The following AGPS variants were observed in gnomAD, a reference collection of about 807,000 sequenced individuals.
AGPS encodes alkyldihydroxyacetonephosphate synthase, peroxisomal.
A neutral mutation model predicts 90.7 loss-of-function variants in AGPS; 26 were observed. That is an observed-to-expected ratio of 0.29 (90% CI 0.21 to 0.40). The LOEUF is 0.40. Among genes scored for constraint, AGPS ranks in the 10% least tolerant of loss-of-function variants. AGPS has a pLI of 1.00. For missense variants in AGPS, 540 were observed against 816.1 expected (o/e 0.66, Z 4.12); for synonymous variants, 294 against 285.3 (o/e 1.03, Z -0.31).
chr2:177,418,101 G>A (rs1178216932), intron 1 of AGPS, among the ~76,000 whole-genome samples: 2 of 152,052 alleles, frequency 1.3e-5, no homozygotes, highest in African/African-American at 2.4e-5. Context: ...GACTCCAAAA[G>A]TTGATATAAA....
intron 8 of AGPS, among the ~76,000 whole-genome samples, chr2:177,459,353 G>A (rs1377823575): frequency 1.3e-5 from 2 of 152,170 alleles, no homozygotes; most frequent in African/African-American, 4.8e-5. Context: ...CTTCTGCACA[G>A]CAAAAGAAAC....
chr2:177,439,828 TC>T (rs1457872812), intron 5 of AGPS, among the ~76,000 whole-genome samples: 2 of 152,116 alleles, frequency 1.3e-5, no homozygotes, highest in Non-Finnish European at 2.9e-5. Flanking sequence ...TCTAAAACAA[TC>T]TCTTTGCCAT....
intron 10 of AGPS, among the ~76,000 whole-genome samples, chr2:177,469,246 A>G (rs1175652653): frequency 1.3e-5 from 2 of 152,156 alleles, no homozygotes; most frequent in Non-Finnish European, 2.9e-5. Context: ...AAGTGTTTCT[A>G]CATTAACAGA....
At chr2:177,517,554 A>G (rs974949352) in intron 17 of AGPS, among the ~76,000 whole-genome samples, 2 of 152,140 alleles carry the variant, frequency 1.3e-5, no homozygotes, top group Non-Finnish European at 2.9e-5. Flanking sequence ...CTGTTTAGTG[A>G]CTGACTTTAA....
At chr2:177,393,834 G>A (rs768642557) in intron 1 of AGPS, among the ~76,000 whole-genome samples, 1 of 151,586 alleles carries the variant, frequency 6.6e-6, no homozygotes, top group Non-Finnish European at 1.5e-5. Context: ...CTCTGATGAA[G>A]GCTATTAGGA....
At chr2:177,430,084 G>A (rs1351583370) in intron 2 of AGPS, among the ~76,000 whole-genome samples, 5 of 152,240 alleles carry the variant, frequency 3.3e-5, no homozygotes, top group Non-Finnish European at 5.9e-5. Flanking sequence ...ATCTGGCATA[G>A]CAGCTGTGTT....
At chr2:177,429,561 A>G (rs1686178801) in intron 2 of AGPS, among the ~76,000 whole-genome samples, 1 of 151,784 alleles carries the variant, frequency 6.6e-6, no homozygotes, top group Non-Finnish European at 1.5e-5. Flanking sequence ...TTAACAGGCC[A>G]CTTTTTCGTA....
At chr2:177,518,704 T>G in intron 17 of AGPS, among the ~76,000 whole-genome samples, 1 of 136,822 alleles carries the variant, frequency 7.3e-6, no homozygotes, top group Non-Finnish European at 1.6e-5. Flanking sequence ...TCTGTCTGTA[T>G]ATGAGTCTAT....
At chr2:177,432,197 C>A (rs1051955031) in intron 2 of AGPS, among the ~76,000 whole-genome samples, 1 of 152,278 alleles carries the variant, frequency 6.6e-6, no homozygotes, top group East Asian at 1.9e-4. Flanking sequence ...ATTTCATTGG[C>A]CTTGAAAACT....
At position 177,462,012 on chromosome 2, in the gene AGPS, G is replaced by A. The variant is rs2105666380; in HGVS notation, c.990G>A (p.Glu330=). 1 of 1,607,752 alleles carries A rather than the reference G, an allele frequency of 6.2e-7. No individual in the cohort carries two copies. The highest frequency in any genetic ancestry group is 8.5e-7 in the Non-Finnish European group (1 of 1,176,018). The change falls in exon 9 of 20, where the codon GAG becomes GAA. Residue 330 remains glutamate, a synonymous_variant. Coordinates refer to ENST00000264167, the MANE Select transcript of AGPS (RefSeq NM_003659.4). ...AGAAGAATATCTATGGCAATATCGAGGACCTGGTAAATATTTTTCTAGTTA... is the reference window on the plus strand; with the variant it reads ...AGAAGAATATCTATGGCAATATCGAAGACCTGGTAAATATTTTTCTAGTTA... The part of the protein sequence containing the change: ...GMKKNIYGNI[E]DLVVHIKMVT...
intron 2 of AGPS, among the ~76,000 whole-genome samples, chr2:177,422,199 C>A (rs1417885163): frequency 6.6e-6 from 1 of 152,060 alleles, no homozygotes; most frequent in East Asian, 1.9e-4. Context: ...AAAATTAGAA[C>A]CTCAGTGTAT....
intron 10 of AGPS, among the ~76,000 whole-genome samples, chr2:177,473,757 A>G (rs548232771): frequency 6.6e-6 from 1 of 152,348 alleles, no homozygotes; most frequent in Non-Finnish European, 1.5e-5. Flanking sequence ...TCAGAATGGA[A>G]GCTGCCCCTG....
intron 6 of AGPS, 107 bp downstream of exon 6, chr2:177,441,143 G>T: frequency 1.0e-6 from 1 of 987,716 alleles, no homozygotes; most frequent in Non-Finnish European, 1.5e-6. Flanking sequence ...TATTGTAATT[G>T]TGATGTGGTT....
At chr2:177,496,165 C>A (rs1688408076) in intron 12 of AGPS, among the ~76,000 whole-genome samples, 1 of 151,906 alleles carries the variant, frequency 6.6e-6, no homozygotes, top group African/African-American at 2.4e-5. Flanking sequence ...GCATATAAAT[C>A]TCGATGAGTT....
At chr2:177,393,509 GA>G (rs1685084706) in intron 1 of AGPS, 1 of 985,328 alleles carries the variant, frequency 1.0e-6, no homozygotes, top group Non-Finnish European at 1.2e-6. Context: ...TGGTGCCCTG[GA>G]AAAAGGTGCT....
intron 11 of AGPS, among the ~76,000 whole-genome samples, chr2:177,489,298 A>T (rs868388671): frequency 3.9e-5 from 6 of 151,962 alleles, no homozygotes; most frequent in South Asian, 2.1e-4. Context: ...GTTAGCCAGG[A>T]TGGTCTCGAT....
chr2:177,504,048 A>G (rs930136046), intron 14 of AGPS, among the ~76,000 whole-genome samples: 2 of 152,218 alleles, frequency 1.3e-5, no homozygotes, highest in Non-Finnish European at 2.9e-5. Context: ...GTTACTTCTC[A>G]TCAGATACAT....
At chr2:177,535,954 T>C (rs148257486) in intron 19 of AGPS, among the ~76,000 whole-genome samples, 43 of 152,266 alleles carry the variant, frequency 2.8e-4, no homozygotes, top group African/African-American at 1.0e-3. Flanking sequence ...TTAGATTGAT[T>C]ATTGTAAAAG....
intron 1 of AGPS, among the ~76,000 whole-genome samples, chr2:177,419,217 ACTT>A (rs1298052867): frequency 1.3e-5 from 2 of 151,974 alleles, no homozygotes; most frequent in Middle Eastern, 3.4e-3. Context: ...TAATAAAAAA[ACTT>A]GCTTGTCAGT....
Sources: gnomAD v4.1 joint callset for allele counts (sites outside exome capture counted in the v4.1 genomes callset) on GRCh38, gnomAD v4.1.1 for gene constraint, MANE v1.5 for transcripts, NCBI Gene and HGNC (gene_info 2026-07-23, HGNC 2026-07-21) for gene names.